Variants in CATSPER2 observed in about 807,000 individuals in gnomAD.
The protein encoded by CATSPER2 is cation channel sperm-associated protein 2.
CATSPER2 carries 56 observed loss-of-function variants against 68.8 expected under a neutral mutation model. That is an observed-to-expected ratio of 0.81 (90% CI 0.66 to 1.02). The LOEUF is 1.02. Ranked by LOEUF, CATSPER2 falls within the 50% of genes least tolerant of loss-of-function variation. CATSPER2 has a pLI of 0.00. For synonymous variants in CATSPER2, 198 were observed against 229.9 expected (o/e 0.86, Z 1.26); for missense variants, 582 against 642.0 (o/e 0.91, Z 1.01).
chr15:43,636,379 T>C (rs1177601938), intron 7 of CATSPER2, among the ~76,000 whole-genome samples, 160 bp from the exon 8 acceptor site: 1 of 151,878 alleles, frequency 6.6e-6, no homozygotes, highest in Non-Finnish European at 1.5e-5. Context: ...CATTCTATAG[T>C]TTGAAGTTTT....
chr15:43,631,669 G>A lies in CATSPER2; in HGVS notation c.1561+530C>T, dbSNP rs547645099. Reference sequence around the variant, plus strand: ...TAAATCACATATTTATCTTTATAGAGGCTGACACTAGAAGGGGCAGATACA... The same window carrying A: ...TAAATCACATATTTATCTTTATAGAAGCTGACACTAGAAGGGGCAGATACA... On this transcript the variant is annotated intron_variant, in intron 12 of 12. Transcript: ENST00000396879. 8.6e-5 allele frequency: 21 copies of A among 244,790 alleles called. 1 individual carries two copies. Among genetic ancestry groups the A allele is most frequent in the Non-Finnish European group, 1.8e-4 (20 of 111,522 alleles). The allele number at this position is 244,790 out of a possible 1,614,324, so 15.2% of individuals were successfully genotyped here.
At chr15:43,647,001 G>T in intron 4 of CATSPER2, 49 bp downstream of exon 4, 4 of 1,505,848 alleles carry the variant, frequency 2.7e-6, no homozygotes, top group South Asian at 1.1e-5. Context: ...ACACGTGTGA[G>T]CCGGCGTGCC....
At chr15:43,635,616 G>A in intron 9 of CATSPER2, 111 bp downstream of exon 9, 2 of 1,095,232 alleles carry the variant, frequency 1.8e-6, no homozygotes, top group Non-Finnish European at 2.8e-6. Flanking sequence ...CTTATCCTTG[G>A]GGGCAAATCT....
At chr15:43,630,823 G>A (rs1047291586) in intron 12 of CATSPER2, 91 bp from the exon 13 acceptor site, 14 of 1,609,394 alleles carry the variant, frequency 8.7e-6, no homozygotes, top group East Asian at 2.2e-5. Context: ...TGGGTTCTAG[G>A]TTCCCTCACA....
rs1279111306 is a variant in CATSPER2, at chr15:43,631,895, C to T, written c.1561+304G>A. Among the ~76,000 whole-genome samples, 3 of 151,914 alleles carry T rather than the reference C, an allele frequency of 2.0e-5. No individual in the cohort carries two copies. In the South Asian group the frequency reaches 6.2e-4, roughly 31 times the overall value. ...CAAATCAAGCAAGAGCCTACCTTGT[C>T]CTAATTCCCAACAACTGGGATTAGA... On this transcript the variant is annotated intron_variant, in intron 12 of 12. Coordinates refer to ENST00000396879, the MANE Select transcript of CATSPER2 (RefSeq NM_172095.4).
chr15:43,633,109 T>C (rs977051625), intron 10 of CATSPER2, 175 bp from the exon 11 acceptor site: 1 of 920,760 alleles, frequency 1.1e-6, no homozygotes, highest in Non-Finnish European at 1.6e-6. Context: ...TGTGTCATCC[T>C]TAACTCTTCT....
intron 4 of CATSPER2, among the ~76,000 whole-genome samples, chr15:43,643,328 T>C (rs12917478): frequency 2.6e-5 from 4 of 152,068 alleles, no homozygotes; most frequent in South Asian, 2.1e-4. Context: ...AAACAAGGAA[T>C]ACTGATGTTG....
At chr15:43,644,248 T>C (rs2086121894) in intron 4 of CATSPER2, among the ~76,000 whole-genome samples, 2 of 152,030 alleles carry the variant, frequency 1.3e-5, no homozygotes, top group Admixed American at 6.5e-5. Context: ...ATGTTTATCA[T>C]ATGAATTAGT....
At chr15:43,638,802 T>C in intron 7 of CATSPER2, 102 bp downstream of exon 7, 1 of 1,386,928 alleles carries the variant, frequency 7.2e-7, no homozygotes, top group South Asian at 1.2e-5. Flanking sequence ...TTTCAGTTTC[T>C]TGGAATAGAC....
chr15:43,636,296 G>C, intron 7 of CATSPER2, 77 bp from the exon 8 acceptor site: 3 of 1,562,666 alleles, frequency 1.9e-6, no homozygotes, highest in Non-Finnish European at 1.8e-6. Flanking sequence ...TACTTTTAAA[G>C]AAACATAAAG....
At chr15:43,643,620 A>G (rs2086110226) in intron 4 of CATSPER2, among the ~76,000 whole-genome samples, 1 of 151,912 alleles carries the variant, frequency 6.6e-6, no homozygotes. Flanking sequence ...TACAGGTGTG[A>G]GCCACATGCC....
At chr15:43,634,172 A>AC (rs2085924923) in intron 10 of CATSPER2, 1 of 151,842 alleles carries the variant, frequency 6.6e-6, no homozygotes, top group Admixed American at 6.6e-5. Context: ...TTCACTGATA[A>AC]CATCCCAAGC....
chr15:43,639,833 C>T (rs748584510), intron 5 of CATSPER2, 35 bp from the exon 6 acceptor site: 2 of 1,608,218 alleles, frequency 1.2e-6, no homozygotes, highest in Non-Finnish European at 1.7e-6. Context: ...GTAAAATACA[C>T]CCCAAGGCAC....
chr15:43,640,520 A>G (rs372404910), intron 4 of CATSPER2, 24 bp from the exon 5 acceptor site: 41 of 1,612,726 alleles, frequency 2.5e-5, no homozygotes, highest in Non-Finnish European at 3.4e-5. Context: ...GCAAAGGAGG[A>G]ATAAAAGTTA....
In CATSPER2 at chr15:43,647,996, G is replaced by A. The variant is rs764621339; in HGVS notation, c.66C>T (p.Leu22=). The A allele has an allele frequency of 1.3e-5, 21 of 1,613,560 alleles. No individual in the cohort carries two copies. The highest frequency in any genetic ancestry group is 8.9e-5 in the East Asian group (4 of 44,874). ...GCTCAATGAGAGAGAAAGTATCGAT[G>A]AGACGTGAACGAATGGCATCAGCTC... ...LPRADAIRSR[L]IDTFSLIEHL... is the part of the protein sequence containing the mutation. Residue 22 remains leucine, a synonymous_variant, in exon 2 of 13, where the codon CTC becomes CTT. Transcript: ENST00000396879.
Position 43,648,000 on chromosome 15 carries a change from C to T in CATSPER2, c.62G>A (p.Arg21His), listed in dbSNP as rs749999363. The T allele has an allele frequency of 3.7e-6, 6 of 1,613,514 alleles. No individual in the cohort carries two copies. Among genetic ancestry groups the T allele is most frequent in the South Asian group, 1.1e-5 (1 of 91,048 alleles). Residue 21 changes from arginine to histidine, a missense_variant, in exon 2 of 13, where the codon CGT becomes CAT. Arg to His is a conservative substitution (Grantham distance 29). Around this residue, in one of 5 missense-constraint regions of CATSPER2, gnomAD observed 197 missense variants for 191.0 expected, o/e 1.03. Coordinates refer to ENST00000396879, the MANE Select transcript of CATSPER2 (RefSeq NM_172095.4). Reference sequence around the variant, plus strand: ...AATGAGAGAGAAAGTATCGATGAGACGTGAACGAATGGCATCAGCTCGGGG... The same window carrying T: ...AATGAGAGAGAAAGTATCGATGAGATGTGAACGAATGGCATCAGCTCGGGG... Reference protein sequence around the residue: ...QLPRADAIRSRLIDTFSLIEH... With the variant: ...QLPRADAIRSHLIDTFSLIEH...
intron 7 of CATSPER2, among the ~76,000 whole-genome samples, chr15:43,636,696 T>A (rs1013311064): frequency 6.6e-6 from 1 of 151,674 alleles, no homozygotes; most frequent in African/African-American, 2.4e-5. Context: ...CAGCCTAAAT[T>A]CTCCTTTATC....
Position 43,647,130 on chromosome 15 carries a change from T to C in CATSPER2, c.320-12A>G, listed in dbSNP as rs1454007727. 2 of 1,606,944 alleles carry C rather than the reference T, an allele frequency of 1.2e-6. No individual in the cohort carries two copies. The highest frequency in any genetic ancestry group is 1.7e-6 in the Non-Finnish European group (2 of 1,173,574). ...TTTGAAGAGAGGACCTGTTGTCTCT[T>C]AAGGAAATGTACAGAGTGGAGTTCT... On this transcript the variant is annotated splice_polypyrimidine_tract_variant and intron_variant, in intron 3 of 12. Coordinates refer to ENST00000396879, the MANE Select transcript of CATSPER2 (RefSeq NM_172095.4).
intron 10 of CATSPER2, chr15:43,635,083 C>T (rs557131167): frequency 2.0e-6 from 1 of 497,552 alleles, no homozygotes; most frequent in Admixed American, 3.4e-5. Flanking sequence ...TTTATAAGGA[C>T]CCTTGCCATT....
Sources: allele counts gnomAD v4.1 joint callset (sites outside exome capture counted in the v4.1 genomes callset), GRCh38; gene constraint gnomAD v4.1.1; regional missense constraint gnomAD v4.1.1; transcripts MANE v1.5; gene names NCBI Gene and HGNC (gene_info 2026-07-23, HGNC 2026-07-21).